The following ATP8B1 variants were observed in gnomAD, a reference collection of about 807,000 sequenced individuals.
ATP8B1 encodes ATPase phospholipid transporting 8B1.
Under a neutral mutation model 149.9 loss-of-function variants are expected in ATP8B1, and 80 were observed. The observed-to-expected ratio is 0.53, with a 90% confidence interval of 0.45 to 0.64. The LOEUF is 0.64. Ranked by LOEUF, ATP8B1 falls within the 30% of genes least tolerant of loss-of-function variation. The probability of loss-of-function intolerance (pLI) is 0.00; values close to 1 mark genes in which losing one functional copy is unlikely to be tolerated. For synonymous variants in ATP8B1, 536 were observed against 562.8 expected (o/e 0.95, Z 0.67); for missense variants, 1,247 against 1,552.6 (o/e 0.80, Z 3.31).
At chr18:57,756,860 G>A (rs528018035) in intron 1 of ATP8B1, among the ~76,000 whole-genome samples, 1 of 152,314 alleles carries the variant, frequency 6.6e-6, no homozygotes, top group East Asian at 1.9e-4. Flanking sequence ...TGGTCATGTG[G>A]TCAACGTGTT....
At chr18:57,777,849 C>T (rs543564428) in intron 1 of ATP8B1, among the ~76,000 whole-genome samples, 2 of 152,300 alleles carry the variant, frequency 1.3e-5, no homozygotes, top group East Asian at 1.9e-4. Context: ...GGATTACAGG[C>T]GTGAGCCACC....
chr18:57,668,554 TA>T lies in ATP8B1; in HGVS notation c.2098-15del, dbSNP rs34422185. On this transcript the variant is annotated splice_polypyrimidine_tract_variant and intron_variant, in intron 18 of 27. Transcript: ENST00000648908. ...AGCTCCCAGGAGCTAGAATGTATAT[TA>T]AAAAAAAAAAAAAAAGGAATTAGCA... 2.7e-4 allele frequency: 174 copies of T among 644,790 alleles called. No homozygotes were observed. The highest frequency in any genetic ancestry group is 1.4e-3 in the African/African-American group (58 of 41,770). The allele number at this position is 644,790 out of a possible 1,614,324, so 39.9% of individuals were successfully genotyped here.
Position 57,701,110 on chromosome 18 carries a change from G to A in ATP8B1, c.493-10C>T, listed in dbSNP as rs780127896. The stretch of plus-strand genomic sequence containing the variant: ...CCATTTTATGGCGAGCCTTGAGAAG[G>A]AAGATGGGGAAATGCTGTTTTAAAC... On this transcript the variant is annotated splice_polypyrimidine_tract_variant and intron_variant, in intron 5 of 27. Coordinates refer to ENST00000648908, the MANE Select transcript of ATP8B1 (RefSeq NM_001374385.1). 1.9e-6 allele frequency: 3 copies of A among 1,613,942 alleles called. No homozygotes were observed. In the Admixed American group the frequency reaches 5.0e-5, roughly 27 times the overall value.
chr18:57,668,070 G>T, intron 19 of ATP8B1: 2 of 1,299,464 alleles, frequency 1.5e-6, no homozygotes, highest in Non-Finnish European at 2.0e-6. Context: ...TCAGTACTTT[G>T]TATTGTTCTA....
At chr18:57,733,458 G>A (rs2079810372) in intron 1 of ATP8B1, among the ~76,000 whole-genome samples, 3 of 152,126 alleles carry the variant, frequency 2.0e-5, no homozygotes, top group Non-Finnish European at 2.9e-5. Context: ...TGTAATCCCA[G>A]CACTTTGGGA....
chr18:57,734,711 T>A (rs563060140), intron 1 of ATP8B1, among the ~76,000 whole-genome samples: 1 of 152,264 alleles, frequency 6.6e-6, no homozygotes, highest in East Asian at 1.9e-4. Context: ...GCACTACTGG[T>A]CCTCAGCACC....
chr18:57,692,182 T>C (rs889186650), intron 11 of ATP8B1, among the ~76,000 whole-genome samples, 185 bp from the exon 12 acceptor site: 1 of 152,174 alleles, frequency 6.6e-6, no homozygotes, highest in Non-Finnish European at 1.5e-5. Context: ...ATTGCTGCAA[T>C]TGACTGATGT....
intron 1 of ATP8B1, among the ~76,000 whole-genome samples, chr18:57,765,325 T>C (rs1459218468): frequency 6.6e-6 from 1 of 152,122 alleles, no homozygotes; most frequent in Non-Finnish European, 1.5e-5. Context: ...TGGATGGCGG[T>C]GATGGCTGCA....
chr18:57,786,129 C>T (rs574227909), intron 1 of ATP8B1, among the ~76,000 whole-genome samples: 5 of 152,260 alleles, frequency 3.3e-5, no homozygotes, highest in East Asian at 1.9e-4. Context: ...TTAAGAACTG[C>T]GCTGGGGGCT....
intron 1 of ATP8B1, among the ~76,000 whole-genome samples, chr18:57,774,188 C>T (rs1157000488): frequency 6.6e-6 from 1 of 151,758 alleles, no homozygotes; most frequent in Non-Finnish European, 1.5e-5. Context: ...ACTGTCCTAG[C>T]TCTAATGTCA....
chr18:57,759,012 C>A (rs1161500557), intron 1 of ATP8B1, among the ~76,000 whole-genome samples: 1 of 151,830 alleles, frequency 6.6e-6, no homozygotes, highest in African/African-American at 2.4e-5. Flanking sequence ...AAAAATTATC[C>A]GGGCGTGGTG....
intron 6 of ATP8B1, among the ~76,000 whole-genome samples, chr18:57,700,589 C>A (rs1167728771): frequency 8.6e-5 from 13 of 151,856 alleles, no homozygotes; most frequent in Admixed American, 8.5e-4. Context: ...TATCACTATC[C>A]TTATTAGATT....
chr18:57,754,445 AAT>A (rs10564119), intron 1 of ATP8B1, among the ~76,000 whole-genome samples: 68,687 of 135,796 alleles, frequency 0.51, 17,272 homozygotes, highest in South Asian at 0.61. Context: ...CTAACAAAAA[AAT>A]ATATATATAT....
At chr18:57,760,710 G>T (rs927165990) in intron 1 of ATP8B1, among the ~76,000 whole-genome samples, 1 of 152,242 alleles carries the variant, frequency 6.6e-6, no homozygotes, top group South Asian at 2.1e-4. Context: ...GATGGAGTTG[G>T]CCGGGCGCAG....
intron 1 of ATP8B1, among the ~76,000 whole-genome samples, chr18:57,787,415 CT>C (rs2080419909): frequency 7.4e-6 from 1 of 134,742 alleles, no homozygotes; most frequent in Non-Finnish European, 1.7e-5. Context: ...GCGGGAGGAG[CT>C]CCATCTAGAA....
chr18:57,742,815 C>A lies in ATP8B1; in HGVS notation c.-25-10983G>T, dbSNP rs541574146. ...CTTCAGGCTAGGTGACAGAGCAAGA[C>A]CCCATCTCTATAAAAAAAAAAAAAA... On this transcript the variant is annotated intron_variant, in intron 1 of 27. Coordinates refer to ENST00000648908, the MANE Select transcript of ATP8B1 (RefSeq NM_001374385.1). 3.1e-5 allele frequency among the ~76,000 whole-genome samples: 4 copies of A among 128,964 alleles called. 1 individual carries two copies. Among genetic ancestry groups the A allele is most frequent in the African/African-American group, 9.4e-5 (3 of 32,032 alleles). 84.6% of individuals were successfully genotyped at this position (128,964 alleles called of 152,430 possible).
In ATP8B1 at chr18:57,692,032, G is replaced by A. The variant is rs1168671934; in HGVS notation, c.1030-35C>T. On this transcript the variant is annotated intron_variant, in intron 11 of 27. Transcript: ENST00000648908. ...AGAAAACATTTAAATGCATTCTGAA[G>A]ATGGATTTCCAACCTCTTGCATTTC... 5.0e-6 allele frequency: 8 copies of A among 1,587,448 alleles called. No homozygotes were observed. The South Asian group carries it at 5.7e-5, about 11-fold the overall frequency.
chr18:57,667,016 T>TGC, intron 20 of ATP8B1, 76 bp downstream of exon 20: 1 of 1,330,210 alleles, frequency 7.5e-7, no homozygotes, highest in Non-Finnish European at 1.1e-6. Context: ...TCTTCATATC[T>TGC]GCTATCTTCT....
chr18:57,711,998 T>C (rs1186608249), intron 2 of ATP8B1, among the ~76,000 whole-genome samples: 2 of 151,890 alleles, frequency 1.3e-5, no homozygotes, highest in African/African-American at 2.4e-5. Context: ...CATTTACATG[T>C]ATTACTGTTT....
Sources: allele counts gnomAD v4.1 joint callset (sites outside exome capture counted in the v4.1 genomes callset), GRCh38; gene constraint gnomAD v4.1.1; transcripts MANE v1.5; gene names NCBI Gene and HGNC (gene_info 2026-07-23, HGNC 2026-07-21).